LPAR1: variants seen among roughly 807,000 people sequenced by gnomAD.
LPAR1 encodes lysophosphatidic acid receptor 1, also known as LPA receptor 1.
A neutral mutation model predicts 23.8 loss-of-function variants in LPAR1; 5 were observed. That is an observed-to-expected ratio of 0.21 (90% CI 0.11 to 0.44). LPAR1 has a LOEUF of 0.44. Ranked by LOEUF, LPAR1 falls within the 20% of genes least tolerant of loss-of-function variation. LPAR1 has a pLI of 0.99. For synonymous variants in LPAR1, 160 were observed against 164.7 expected (o/e 0.97, Z 0.22); for missense variants, 311 against 482.8 (o/e 0.64, Z 3.33).
intron 2 of LPAR1, among the ~76,000 whole-genome samples, chr9:111,008,957 T>C (rs1251817691): frequency 1.3e-5 from 2 of 151,604 alleles, no homozygotes; most frequent in African/African-American, 2.4e-5. Context: ...GGGAGTGGGG[T>C]GGGATCGCAA....
At chr9:110,897,155 A>G (rs1307335772) in intron 5 of LPAR1, among the ~76,000 whole-genome samples, 1 of 151,922 alleles carries the variant, frequency 6.6e-6, no homozygotes, top group Non-Finnish European at 1.5e-5. Flanking sequence ...CTATGTTCCC[A>G]TCTAAATCTC....
intron 4 of LPAR1, among the ~76,000 whole-genome samples, chr9:110,953,884 A>C (rs1481204064): frequency 6.6e-6 from 1 of 152,156 alleles, no homozygotes; most frequent in Non-Finnish European, 1.5e-5. Flanking sequence ...CAACATGCGA[A>C]CAAAAGAAAC....
At chr9:111,022,903 A>G (rs571299497) in intron 2 of LPAR1, among the ~76,000 whole-genome samples, 2 of 152,014 alleles carry the variant, frequency 1.3e-5, no homozygotes, top group South Asian at 4.1e-4. Context: ...GCAAAAAAAA[A>G]TTAGCCGGGC....
At chr9:111,014,716 A>T (rs1039460584) in intron 2 of LPAR1, among the ~76,000 whole-genome samples, 2 of 152,156 alleles carry the variant, frequency 1.3e-5, no homozygotes, top group African/African-American at 4.8e-5. Context: ...ATCCATGCCC[A>T]TGATTTTAAA....
rs1053623802 is a variant in LPAR1 at position 111,038,332 on chromosome 9, G to C, written c.-427C>G. The C allele has an allele frequency of 6.6e-6, 1 of 150,460 alleles. No homozygotes were observed. Among genetic ancestry groups the C allele is most frequent in the Non-Finnish European group, 1.5e-5 (1 of 67,826 alleles). The allele number at this position is 150,460 out of a possible 1,614,324, so 9.3% of individuals were successfully genotyped here. A position where few individuals can be genotyped will look rare whatever the true frequency, so the allele number is the denominator to read the frequency against. On this transcript the variant is annotated 5_prime_UTR_variant, in exon 1 of 6. Coordinates refer to ENST00000683809, the MANE Select transcript of LPAR1 (RefSeq NM_001351411.2). The surrounding 1 kb of genome is among the most constrained non-coding windows in gnomAD (Gnocchi z 4.4). Reference sequence around the variant, plus strand: ...GCCGCCCCCTGCGCCCACCCCGCCGGGGTCCCGTGCTCGGCCGGGCGGCGG... The same window carrying C: ...GCCGCCCCCTGCGCCCACCCCGCCGCGGTCCCGTGCTCGGCCGGGCGGCGG...
intron 2 of LPAR1, among the ~76,000 whole-genome samples, chr9:111,006,130 G>A (rs935430407): frequency 6.6e-6 from 1 of 152,198 alleles, no homozygotes; most frequent in Non-Finnish European, 1.5e-5. Context: ...AATGAAAAAT[G>A]AACTGAAGAA....
intron 2 of LPAR1, among the ~76,000 whole-genome samples, chr9:110,991,988 T>C (rs1468398175): frequency 9.0e-6 from 1 of 111,070 alleles, no homozygotes; most frequent in African/African-American, 3.6e-5. Context: ...TTAAATTCTT[T>C]AAAAGCTTGT....
intron 4 of LPAR1, among the ~76,000 whole-genome samples, chr9:110,965,798 T>C (rs1319879070): frequency 6.6e-6 from 1 of 152,222 alleles, no homozygotes; most frequent in Admixed American, 6.5e-5. Flanking sequence ...TTATAAATCA[T>C]TTCTACTATG....
intron 4 of LPAR1, among the ~76,000 whole-genome samples, chr9:110,964,327 A>C (rs1298479058): frequency 6.6e-6 from 1 of 152,220 alleles, no homozygotes; most frequent in Non-Finnish European, 1.5e-5. Flanking sequence ...CTACAAGAAC[A>C]CATTTTAGAA....
chr9:110,893,153 T>A (rs1236618358), intron 5 of LPAR1, among the ~76,000 whole-genome samples: 1 of 152,228 alleles, frequency 6.6e-6, no homozygotes, highest in African/African-American at 2.4e-5. Context: ...ATACTGTTGA[T>A]AGAAGAGTCA....
At chr9:111,013,829 C>T (rs558259871) in intron 2 of LPAR1, among the ~76,000 whole-genome samples, 1 of 152,266 alleles carries the variant, frequency 6.6e-6, no homozygotes, top group South Asian at 2.1e-4. Flanking sequence ...TCAAGCAAGT[C>T]ATTATCAAGG....
chr9:111,033,497 A>C (rs2097840736), intron 2 of LPAR1, among the ~76,000 whole-genome samples: 1 of 152,224 alleles, frequency 6.6e-6, no homozygotes, highest in Non-Finnish European at 1.5e-5. Context: ...ATCATTCATT[A>C]AATTGAATTC....
chr9:110,905,803 T>C (rs943078376), intron 5 of LPAR1, among the ~76,000 whole-genome samples: 15 of 152,208 alleles, frequency 9.9e-5, no homozygotes, highest in African/African-American at 3.4e-4. Context: ...TTATTTTCCC[T>C]AGACAGATAG....
At chr9:110,929,477 C>T (rs944939593) in intron 5 of LPAR1, among the ~76,000 whole-genome samples, 4 of 152,124 alleles carry the variant, frequency 2.6e-5, no homozygotes, top group African/African-American at 9.7e-5. Context: ...ATTACCTGTT[C>T]ATAAGCAAGC....
intron 2 of LPAR1, among the ~76,000 whole-genome samples, chr9:111,024,651 TA>T (rs758788090): frequency 4.0e-5 from 6 of 151,382 alleles, no homozygotes; most frequent in Non-Finnish European, 7.4e-5. Context: ...GCTGCACCCA[TA>T]AACTCGCCAT....
At chr9:110,949,176 CA>C (rs2095491025) in intron 4 of LPAR1, among the ~76,000 whole-genome samples, 1 of 152,042 alleles carries the variant, frequency 6.6e-6, no homozygotes, top group South Asian at 2.1e-4. Flanking sequence ...TAGCAAACAC[CA>C]AACTTCTCTG....
chr9:111,029,050 A>C (rs1259107549), intron 2 of LPAR1, among the ~76,000 whole-genome samples: 1 of 152,208 alleles, frequency 6.6e-6, no homozygotes. Flanking sequence ...CGCTCAACAA[A>C]TGCTTGATAA....
chr9:110,989,349 T>C (rs962666128), intron 2 of LPAR1, among the ~76,000 whole-genome samples: 1 of 152,212 alleles, frequency 6.6e-6, no homozygotes, highest in African/African-American at 2.4e-5. Flanking sequence ...GCTGCAGAAC[T>C]CTTAATATAT....
chr9:111,020,781 G>C (rs2097546657), intron 2 of LPAR1, among the ~76,000 whole-genome samples: 1 of 152,096 alleles, frequency 6.6e-6, no homozygotes. Flanking sequence ...GGAGCCTGGA[G>C]TCCTGGCTGG....
Sources: gnomAD v4.1 joint callset for allele counts (sites outside exome capture counted in the v4.1 genomes callset) on GRCh38, gnomAD v4.1.1 for gene constraint, Gnocchi (gnomAD v3.1) non-coding constraint, MANE v1.5 for transcripts, NCBI Gene and HGNC (gene_info 2026-07-23, HGNC 2026-07-21) for gene names.